Variants in PRKCH observed in about 807,000 individuals in gnomAD.
The protein encoded by PRKCH is protein kinase C eta type.
A neutral mutation model predicts 82.5 loss-of-function variants in PRKCH; 28 were observed. The observed-to-expected ratio is 0.34, with a 90% CI of 0.25 to 0.47. The LOEUF (loss-of-function observed/expected upper bound fraction) is 0.47, where lower values mean the gene tolerates loss of function less well. Ranked by LOEUF, PRKCH falls within the 20% of genes least tolerant of loss-of-function variation. The pLI is 1.00. For synonymous variants in PRKCH, 322 were observed against 327.4 expected, an observed-to-expected ratio of 0.98 and a Z score of 0.18; for missense variants, 705 against 881.8, an observed-to-expected ratio of 0.80 and a Z score of 2.54.
At chr14:61,261,588 A>G (rs967854865) in intron 1 of PRKCH, among the ~76,000 whole-genome samples, 2 of 152,202 alleles carry the variant, frequency 1.3e-5, no homozygotes, top group African/African-American at 4.8e-5. Flanking sequence ...TCAGCAGGGG[A>G]AGGCTCTCTT....
Position 61,321,918 on chromosome 14 carries a change from A to G in PRKCH, c.-184A>G, listed in dbSNP as rs145795985. On this transcript the variant is annotated 5_prime_UTR_variant, in exon 1 of 14. Coordinates refer to ENST00000332981, the MANE Select transcript of PRKCH (RefSeq NM_006255.5). The surrounding 1 kb of genome is among the most constrained non-coding windows in gnomAD (Gnocchi z 4.1). ...CTCCTTTCCACCTCGGGAGGGAGGG[A>G]AGGAGGGGAGGGAAAAGTCCCACGG... 9,273 of 556,934 alleles carry G rather than the reference A, an allele frequency of 0.017. 118 individuals are homozygous for G. The highest frequency in any genetic ancestry group is 0.023 in the Non-Finnish European group (7,362 of 325,482). The allele number at this position is 556,934 out of a possible 1,614,324, so 34.5% of individuals were successfully genotyped here. A position where few individuals can be genotyped will look rare whatever the true frequency, so the allele number is the denominator to read the frequency against.
At chr14:61,262,389 G>C (rs369110442) in intron 1 of PRKCH, among the ~76,000 whole-genome samples, 1 of 152,088 alleles carries the variant, frequency 6.6e-6, no homozygotes, top group Non-Finnish European at 1.5e-5. Flanking sequence ...CAGTATGATA[G>C]AGAATCTCAA....
intron 1 of PRKCH, among the ~76,000 whole-genome samples, chr14:61,231,286 ACAATT>A (rs1368843717): frequency 6.6e-6 from 1 of 152,202 alleles, no homozygotes; most frequent in African/African-American, 2.4e-5. Context: ...CAAGGACTAA[ACAATT>A]CAATACACAA....
chr14:61,454,386 A>G (rs1884662296), intron 7 of PRKCH, among the ~76,000 whole-genome samples: 2 of 152,162 alleles, frequency 1.3e-5, no homozygotes, highest in Non-Finnish European at 2.9e-5. Flanking sequence ...TACAGGCATG[A>G]GCTGCCACGC....
chr14:61,297,077 CCT>C (rs1307346210), intron 1 of PRKCH, among the ~76,000 whole-genome samples: 1 of 152,052 alleles, frequency 6.6e-6, no homozygotes, highest in Non-Finnish European at 1.5e-5. Flanking sequence ...GTTCTGATTC[CCT>C]TTCTTCTTCT....
At chr14:61,467,632 C>T (rs1051761978) in intron 9 of PRKCH, among the ~76,000 whole-genome samples, 3 of 152,224 alleles carry the variant, frequency 2.0e-5, no homozygotes, top group African/African-American at 7.2e-5. Flanking sequence ...GGGAGACTTT[C>T]CCCTTTACAG....
chr14:61,533,915 C>T (rs2043074836), intron 12 of PRKCH, among the ~76,000 whole-genome samples: 1 of 152,222 alleles, frequency 6.6e-6, no homozygotes, highest in South Asian at 2.1e-4. Flanking sequence ...ATGCCAACCA[C>T]TCAGGCTGCT....
chr14:61,253,964 TTCCCTCCCTCCCTCCTCCCTCCC>T (rs1288369699), intron 1 of PRKCH, among the ~76,000 whole-genome samples: 3 of 135,568 alleles, frequency 2.2e-5, no homozygotes, highest in East Asian at 2.2e-4. Context: ...TCCTTCCTTC[TTCCCTCCCTCCCTCCTCCCTCCC>T]TCCCTCCCTC....
intron 2 of PRKCH, among the ~76,000 whole-genome samples, chr14:61,419,873 G>A (rs1882744600): frequency 6.6e-6 from 1 of 152,220 alleles, no homozygotes; most frequent in South Asian, 2.1e-4. Flanking sequence ...AAGAGTCGAA[G>A]GGTGGTGTCT....
chr14:61,265,912 T>C (rs1035581278), intron 1 of PRKCH, among the ~76,000 whole-genome samples: 1 of 151,984 alleles, frequency 6.6e-6, no homozygotes, highest in Non-Finnish European at 1.5e-5. Flanking sequence ...CTGGCCAACA[T>C]AGCAAAACCC....
At chr14:61,360,348 T>C (rs2046207362) in intron 1 of PRKCH, among the ~76,000 whole-genome samples, 1 of 151,918 alleles carries the variant, frequency 6.6e-6, no homozygotes, top group African/African-American at 2.4e-5. Context: ...CTACTAAAAA[T>C]ATAAAAATTA....
At chr14:61,375,030 GT>G (rs1328441638) in intron 1 of PRKCH, among the ~76,000 whole-genome samples, 2 of 152,026 alleles carry the variant, frequency 1.3e-5, no homozygotes, top group African/African-American at 2.4e-5. Flanking sequence ...ACTCATATGA[GT>G]GTACACTTTG....
chr14:61,507,475 T>C (rs1887198871), intron 10 of PRKCH, among the ~76,000 whole-genome samples: 1 of 152,192 alleles, frequency 6.6e-6, no homozygotes, highest in African/African-American at 2.4e-5. Context: ...CAGAGATGTC[T>C]GCACTCTCAT....
chr14:61,281,878 T>A (rs2045272461), intron 1 of PRKCH: 1 of 29,272 alleles, frequency 3.4e-5, no homozygotes, highest in Non-Finnish European at 1.8e-4. Context: ...AGCTTTTTTT[T>A]TTTTTTTTTT....
intron 2 of PRKCH, among the ~76,000 whole-genome samples, chr14:61,414,588 CTT>C (rs1159456993): frequency 1.7e-4 from 22 of 128,238 alleles, no homozygotes; most frequent in Admixed American, 1.6e-4. Flanking sequence ...TTCATTTATT[CTT>C]TTTTTTTTTT....
chr14:61,412,706 T>C (rs1882333227), intron 2 of PRKCH, among the ~76,000 whole-genome samples: 1 of 152,220 alleles, frequency 6.6e-6, no homozygotes, highest in African/African-American at 2.4e-5. Context: ...GGAAGCATTC[T>C]TCTTGTGTTG....
intron 1 of PRKCH, among the ~76,000 whole-genome samples, chr14:61,378,220 TTTTC>T (rs1014234958): frequency 2.1e-5 from 3 of 141,732 alleles, no homozygotes; most frequent in Non-Finnish European, 4.6e-5. Flanking sequence ...TTCTTTTTCT[TTTTC>T]TTTTTTTTTT....
At chr14:61,352,092 A>C (rs2046083971) in intron 1 of PRKCH, among the ~76,000 whole-genome samples, 1 of 152,150 alleles carries the variant, frequency 6.6e-6, no homozygotes, top group African/African-American at 2.4e-5. Flanking sequence ...TTCTAGTCCC[A>C]GGTCAGCTGC....
At chr14:61,230,846 T>A (rs1171898048) in intron 1 of PRKCH, among the ~76,000 whole-genome samples, 19 of 152,228 alleles carry the variant, frequency 1.2e-4, no homozygotes, top group Admixed American at 1.2e-3. Flanking sequence ...GCTACAGTCT[T>A]GTTAAAATAG....
Sources: allele counts gnomAD v4.1 joint callset (sites outside exome capture counted in the v4.1 genomes callset), GRCh38; gene constraint gnomAD v4.1.1; non-coding constraint Gnocchi (gnomAD v3.1); transcripts MANE v1.5; gene names NCBI Gene and HGNC (gene_info 2026-07-23, HGNC 2026-07-21).